TDRD9: variants seen among roughly 807,000 people sequenced by gnomAD.
TDRD9 encodes ATP-dependent RNA helicase TDRD9.
TDRD9 carries 124 observed loss-of-function variants against 172.6 expected under a neutral mutation model. The ratio of observed to expected loss-of-function variants is 0.72; its 90% CI spans 0.62 to 0.83. The LOEUF (loss-of-function observed/expected upper bound fraction) is 0.83, where lower values mean the gene tolerates loss of function less well. TDRD9 is among the 40% of genes least tolerant of loss of function. The probability of loss-of-function intolerance (pLI) is 0.00; values close to 1 mark genes in which losing one functional copy is unlikely to be tolerated. For synonymous variants in TDRD9, 619 were observed against 617.1 expected (o/e 1.00, Z -0.05); for missense variants, 1,479 against 1,714.1 (o/e 0.86, Z 2.42).
intron 13 of TDRD9, among the ~76,000 whole-genome samples, chr14:104,000,776 C>A (rs563139595): frequency 8.3e-4 from 126 of 152,170 alleles, no homozygotes; most frequent in Non-Finnish European, 1.5e-3. Context: ...CAGAGCAAGA[C>A]TGTGTCTCAA....
rs57634354 is a variant in TDRD9, at chr14:103,977,492, C to CAA, written c.1011+1969_1011+1970dup. On this transcript the variant is annotated intron_variant, in intron 7 of 35. Transcript: ENST00000409874. ...TGGGTGACAGAGAGAGACTCCATCT[C>CAA]AAAAAAAAAAAAAAAAAAAAAAAAA... Among the ~76,000 whole-genome samples, 77 of 53,192 alleles carry CAA rather than the reference C, an allele frequency of 1.4e-3. 1 individual carries two copies. The highest frequency in any genetic ancestry group is 3.8e-3 in the African/African-American group (50 of 13,124). 34.9% of individuals were successfully genotyped at this position (53,192 alleles called of 152,430 possible).
rs1157815570 is a variant in TDRD9, at chr14:103,966,980, A to G, written c.765+149A>G. On this transcript the variant is annotated intron_variant, in intron 5 of 35. Transcript: ENST00000409874. ...CTGGACTTTTCTCAGTAAGGATGGA[A>G]TGTTTTTTGATTTTGTTTATATTTT... 1.8e-5 allele frequency: 13 copies of G among 735,908 alleles called. No individual in the cohort carries two copies. The South Asian group carries it at 4.3e-4, about 24-fold the overall frequency. 45.6% of individuals were successfully genotyped at this position (735,908 alleles called of 1,614,324 possible).
intron 9 of TDRD9, among the ~76,000 whole-genome samples, chr14:103,992,625 T>G (rs2033908474): frequency 6.6e-6 from 1 of 151,966 alleles, no homozygotes; most frequent in Non-Finnish European, 1.5e-5. Context: ...AGGCCGAGGC[T>G]TAAGAACACC....
chr14:103,986,342 A>T, intron 8 of TDRD9, 22 bp downstream of exon 8: 1 of 1,471,948 alleles, frequency 6.8e-7, no homozygotes, highest in Non-Finnish European at 9.4e-7. Flanking sequence ...TTCAGTTGGT[A>T]ATGCACTTTA....
chr14:103,989,345 T>C (rs755260052), intron 8 of TDRD9, among the ~76,000 whole-genome samples: 1 of 152,236 alleles, frequency 6.6e-6, no homozygotes, highest in African/African-American at 2.4e-5. Flanking sequence ...GGGACAATAA[T>C]TGAGCCTTTA....
intron 14 of TDRD9, 112 bp from the exon 15 acceptor site, chr14:104,005,159 TTTC>T (rs1458909099): frequency 9.4e-7 from 1 of 1,060,854 alleles, no homozygotes; most frequent in African/African-American, 1.6e-5. Context: ...TCCATTTTTC[TTTC>T]TTCTCTCCTC....
In TDRD9 at chr14:103,980,368, G is replaced by A. The variant is rs563071189; in HGVS notation, c.1011+4815G>A. Among the ~76,000 whole-genome samples the A allele has an allele frequency of 9.9e-5, 15 of 152,202 alleles. No homozygotes were observed. The highest frequency in any genetic ancestry group is 8.3e-4 in the South Asian group (4 of 4,824). The stretch of plus-strand genomic sequence containing the variant: ...GGTAAGGTCATGTGGGTCACGTGTC[G>A]ACTGGACAGGGGGCCCTTCCCTGCC... On this transcript the variant is annotated intron_variant, in intron 7 of 35. Transcript: ENST00000409874. This position sits in a 1 kb window ranked among gnomAD's most constrained non-coding sequence, Gnocchi z 4.5.
At chr14:103,978,619 C>T (rs144657405) in intron 7 of TDRD9, among the ~76,000 whole-genome samples, 7 of 152,214 alleles carry the variant, frequency 4.6e-5, no homozygotes, top group East Asian at 3.9e-4. Context: ...AAGACTTTGA[C>T]GATTTGAAGA....
At chr14:104,023,184 C>CAAAAAAAAAAAAAAAAAAA (rs10661391) in intron 24 of TDRD9, among the ~76,000 whole-genome samples, 2 of 64,458 alleles carry the variant, frequency 3.1e-5, no homozygotes, top group African/African-American at 1.4e-4. Context: ...GACTCCGTCT[C>CAAAAAAAAAAAAAAAAAAA]AAAAAAAAAA....
chr14:104,009,181 A>G (rs909331015), intron 20 of TDRD9, among the ~76,000 whole-genome samples: 1 of 152,246 alleles, frequency 6.6e-6, no homozygotes, highest in African/African-American at 2.4e-5. Flanking sequence ...CAAAATGGTA[A>G]GTATTTCTGT....
chr14:104,047,313 A>C (rs1476097318), intron 34 of TDRD9, among the ~76,000 whole-genome samples: 1 of 152,068 alleles, frequency 6.6e-6, no homozygotes, highest in Admixed American at 6.5e-5. Context: ...TGATTTTTAT[A>C]TATTGGTCTT....
intron 7 of TDRD9, among the ~76,000 whole-genome samples, chr14:103,977,807 A>G (rs1333265498): frequency 6.6e-6 from 1 of 152,012 alleles, no homozygotes; most frequent in Non-Finnish European, 1.5e-5. Context: ...TTCAGGATTT[A>G]GTTTAAGTCT....
At chr14:103,938,020 A>C (rs1241603229) in intron 1 of TDRD9, among the ~76,000 whole-genome samples, 1 of 151,896 alleles carries the variant, frequency 6.6e-6, no homozygotes, top group African/African-American at 2.4e-5. Flanking sequence ...CTGGATGTGA[A>C]TCTCCTCTCT....
intron 8 of TDRD9, among the ~76,000 whole-genome samples, chr14:103,990,784 T>G (rs1333067551): frequency 3.3e-5 from 5 of 152,234 alleles, no homozygotes; most frequent in African/African-American, 4.8e-5. Flanking sequence ...TGATTTGAGA[T>G]TTTGGTCTGT....
chr14:103,977,263 C>T (rs961254681), intron 7 of TDRD9, among the ~76,000 whole-genome samples: 30 of 151,638 alleles, frequency 2.0e-4, no homozygotes, highest in African/African-American at 4.4e-4. Context: ...AGGCCGAGGC[C>T]GGTGGATCAC....
intron 7 of TDRD9, among the ~76,000 whole-genome samples, chr14:103,977,934 C>T (rs545342660): frequency 6.6e-6 from 1 of 152,116 alleles, no homozygotes; most frequent in Non-Finnish European, 1.5e-5. Flanking sequence ...TGTTCTTTCT[C>T]CAGTGAATGT....
intron 2 of TDRD9, among the ~76,000 whole-genome samples, chr14:103,956,114 ATATATATAT>A (rs1177438212): frequency 3.3e-4 from 6 of 17,932 alleles, no homozygotes; most frequent in South Asian, 3.3e-3. Context: ...AAAAAAAAAT[ATATATATAT>A]ATATATATAT....
chr14:104,017,375 T>G (rs2034826260), intron 22 of TDRD9, among the ~76,000 whole-genome samples: 1 of 152,156 alleles, frequency 6.6e-6, no homozygotes, highest in Non-Finnish European at 1.5e-5. Flanking sequence ...ACCCTTTGAG[T>G]TGGGGATTTC....
At chr14:103,983,802 A>C (rs999402121) in intron 7 of TDRD9, among the ~76,000 whole-genome samples, 1 of 152,196 alleles carries the variant, frequency 6.6e-6, no homozygotes, top group African/African-American at 2.4e-5. Context: ...AACAGTTTGG[A>C]GGGCCTAGAA....
Sources: gnomAD v4.1 joint callset for allele counts (sites outside exome capture counted in the v4.1 genomes callset) on GRCh38, gnomAD v4.1.1 for gene constraint, Gnocchi (gnomAD v3.1) non-coding constraint, MANE v1.5 for transcripts, NCBI Gene and HGNC (gene_info 2026-07-23, HGNC 2026-07-21) for gene names.